Variants in WWOX observed in about 807,000 individuals in gnomAD.
The protein encoded by WWOX is WW domain containing oxidoreductase, also known as WW domain-containing oxidoreductase.
A neutral mutation model predicts 46.2 loss-of-function variants in WWOX; 69 were observed. That is an observed-to-expected ratio of 1.49 (90% CI 1.23 to 1.82). The LOEUF is 1.82. WWOX is among the 40% of genes most tolerant of loss of function. The pLI is 0.00. For missense variants in WWOX, 919 were observed against 542.6 expected (o/e 1.69, Z -6.89); for synonymous variants, 359 against 202.6 (o/e 1.77, Z -6.56).
At chr16:78,509,977 G>A (rs1034282789) in intron 8 of WWOX, among the ~76,000 whole-genome samples, 1 of 151,574 alleles carries the variant, frequency 6.6e-6, no homozygotes, top group African/African-American at 2.4e-5. Context: ...GCACATGCCT[G>A]TAGTCCCAGC....
At chr16:79,173,098 T>G (rs2050733219) in intron 8 of WWOX, among the ~76,000 whole-genome samples, 1 of 152,230 alleles carries the variant, frequency 6.6e-6, no homozygotes, top group African/African-American at 2.4e-5. Context: ...CAGAAGAATC[T>G]TTCCCAACAT....
At chr16:78,908,051 A>T (rs984512569) in intron 8 of WWOX, among the ~76,000 whole-genome samples, 2 of 152,262 alleles carry the variant, frequency 1.3e-5, no homozygotes, top group South Asian at 4.1e-4. Flanking sequence ...TACTAACCGT[A>T]TGAAAGTTTA....
intron 5 of WWOX, among the ~76,000 whole-genome samples, chr16:78,313,750 A>G (rs1237528969): frequency 6.6e-6 from 1 of 152,142 alleles, no homozygotes; most frequent in Non-Finnish European, 1.5e-5. Context: ...CCTTGTCTAC[A>G]TTTTGAGGCT....
chr16:78,980,108 A>G (rs183900555), intron 8 of WWOX, among the ~76,000 whole-genome samples: 2 of 152,326 alleles, frequency 1.3e-5, no homozygotes, highest in Admixed American at 6.5e-5. Flanking sequence ...AGCCTTGGCA[A>G]CAGAGCGAGA....
rs911947867 is a variant in WWOX, at chr16:78,568,010, ACTC to A, written c.1056+135260_1056+135262del. ...GTGAAATCTAGAGCCTCTGTTCACT[ACTC>A]CGCGAATTGAAGGCGGCAGGAGTCT... On this transcript the variant is annotated intron_variant, in intron 8 of 8. Transcript: ENST00000566780. Among the ~76,000 whole-genome samples, 89 of 152,002 alleles carry A rather than the reference ACTC, an allele frequency of 5.9e-4. 1 individual carries two copies. Among genetic ancestry groups the A allele is most frequent in the African/African-American group, 2.0e-3 (82 of 41,354 alleles).
intron 8 of WWOX, among the ~76,000 whole-genome samples, chr16:78,580,385 A>C (rs1054017567): frequency 8.5e-5 from 13 of 152,134 alleles, no homozygotes; most frequent in Admixed American, 7.9e-4. Context: ...CCAACAGAGG[A>C]TTTCAGTCAA....
intron 5 of WWOX, among the ~76,000 whole-genome samples, chr16:78,362,910 A>C (rs958609465): frequency 1.3e-5 from 2 of 152,278 alleles, no homozygotes; most frequent in Admixed American, 6.5e-5. Context: ...GTGGTGTCAG[A>C]ATGTTATCCT....
chr16:78,933,240 A>C (rs1597169698), intron 8 of WWOX, among the ~76,000 whole-genome samples: 1 of 152,224 alleles, frequency 6.6e-6, no homozygotes, highest in Non-Finnish European at 1.5e-5. Flanking sequence ...GGAGTTCGAG[A>C]CCAGCCTGAC....
chr16:78,800,306 T>C (rs1348265683), intron 8 of WWOX, among the ~76,000 whole-genome samples: 1 of 152,192 alleles, frequency 6.6e-6, no homozygotes, highest in African/African-American at 2.4e-5. Flanking sequence ...AGGGCCTGTT[T>C]TTCTGTAAAT....
chr16:78,138,356 TAATGCTTCAGGAGAACTCAG>T (rs1320948642), intron 4 of WWOX, among the ~76,000 whole-genome samples: 6 of 139,334 alleles, frequency 4.3e-5, no homozygotes, highest in African/African-American at 8.0e-5. Flanking sequence ...TTGTTTTTTA[TAATGCTTCAGGAGAACTCAG>T]TTGAGCAGTA....
chr16:79,047,698 T>C (rs1013478603), intron 8 of WWOX, among the ~76,000 whole-genome samples: 2 of 145,920 alleles, frequency 1.4e-5, no homozygotes, highest in African/African-American at 5.3e-5. Flanking sequence ...TTTTTTTTTT[T>C]TTTGCTTGTC....
intron 8 of WWOX, among the ~76,000 whole-genome samples, chr16:79,075,575 C>T (rs1244353710): frequency 2.0e-5 from 3 of 150,400 alleles, no homozygotes; most frequent in African/African-American, 4.9e-5. Flanking sequence ...TTTGTTTAGA[C>T]GGAGTCTTGC....
chr16:78,481,071 T>A lies in WWOX; in HGVS notation c.1056+48319T>A, dbSNP rs2084474213. Among the ~76,000 whole-genome samples the A allele has an allele frequency of 2.6e-5, 4 of 152,370 alleles. No homozygotes were observed. The South Asian group carries it at 8.3e-4, about 32-fold the overall frequency. On this transcript the variant is annotated intron_variant, in intron 8 of 8. Coordinates refer to ENST00000566780, the MANE Select transcript of WWOX (RefSeq NM_016373.4). ...AGTGGTCAATGGAAAAACAAAAATC[T>A]AAATTAGCAAAGAGAAATTTGAAAT... is the stretch of plus-strand genomic sequence containing the variant.
intron 8 of WWOX, among the ~76,000 whole-genome samples, chr16:78,723,813 A>T (rs574301151): frequency 6.6e-6 from 1 of 152,086 alleles, no homozygotes; most frequent in African/African-American, 2.4e-5. Context: ...CACTCAGACT[A>T]AGCAGTTGAT....
chr16:78,864,456 G>T (rs1164646726), intron 8 of WWOX, among the ~76,000 whole-genome samples: 5 of 151,722 alleles, frequency 3.3e-5, no homozygotes, highest in African/African-American at 9.7e-5. Context: ...TTTTGTAGAG[G>T]CAAGGTTTCT....
intron 5 of WWOX, among the ~76,000 whole-genome samples, chr16:78,257,942 A>G (rs202012263): frequency 5.0e-5 from 1 of 20,088 alleles, no homozygotes; most frequent in Non-Finnish European, 8.0e-5. Context: ...TCCTAAAAAA[A>G]TCAGAGACTA....
At chr16:78,600,078 A>G (rs971881892) in intron 8 of WWOX, among the ~76,000 whole-genome samples, 1 of 152,170 alleles carries the variant, frequency 6.6e-6, no homozygotes, top group African/African-American at 2.4e-5. Flanking sequence ...CATGGTTGGC[A>G]GCAGGCAAAG....
At chr16:78,574,849 T>C (rs1349391874) in intron 8 of WWOX, among the ~76,000 whole-genome samples, 1 of 149,754 alleles carries the variant, frequency 6.7e-6, no homozygotes, top group Non-Finnish European at 1.5e-5. Flanking sequence ...AACTTCTCGT[T>C]AATAATAAAC....
At chr16:79,198,566 A>G (rs910267077) in intron 8 of WWOX, among the ~76,000 whole-genome samples, 2 of 152,198 alleles carry the variant, frequency 1.3e-5, no homozygotes, top group Admixed American at 6.5e-5. Context: ...GACATTAATC[A>G]TACTACGGGA....
Sources: allele counts gnomAD v4.1 joint callset (sites outside exome capture counted in the v4.1 genomes callset), GRCh38; gene constraint gnomAD v4.1.1; transcripts MANE v1.5; gene names NCBI Gene and HGNC (gene_info 2026-07-23, HGNC 2026-07-21).